PAXBP1: variants seen among roughly 807,000 people sequenced by gnomAD.
PAXBP1 encodes PAX3- and PAX7-binding protein 1.
In PAXBP1, 44 loss-of-function variants were observed where a neutral mutation model predicts 119.9. That is an observed-to-expected ratio of 0.37 (90% CI 0.29 to 0.47). PAXBP1 has a LOEUF of 0.47. Ranked by LOEUF, PAXBP1 falls within the 20% of genes least tolerant of loss-of-function variation. The pLI is 0.99. For synonymous variants in PAXBP1, 393 were observed against 406.6 expected (o/e 0.97, Z 0.40); for missense variants, 898 against 1,134.1 (o/e 0.79, Z 2.99).
chr21:32,767,575 G>T (rs1162256026), intron 2 of PAXBP1, among the ~76,000 whole-genome samples: 1 of 152,174 alleles, frequency 6.6e-6, no homozygotes, highest in Non-Finnish European at 1.5e-5. Flanking sequence ...GACCCAGGAG[G>T]AGGTAACTAA....
At chr21:32,752,366 A>G (rs913160620) in intron 8 of PAXBP1, among the ~76,000 whole-genome samples, 2 of 152,248 alleles carry the variant, frequency 1.3e-5, no homozygotes, top group African/African-American at 4.8e-5. Flanking sequence ...ACATCTGTCC[A>G]CTATACTTCC....
intron 8 of PAXBP1, 57 bp from the exon 9 acceptor site, chr21:32,751,275 A>G: frequency 6.5e-7 from 1 of 1,529,404 alleles, no homozygotes; most frequent in East Asian, 2.3e-5. Flanking sequence ...TTGAGGAAAG[A>G]GTTTGCACAG....
intron 3 of PAXBP1, among the ~76,000 whole-genome samples, chr21:32,763,028 G>A (rs905140523): frequency 4.6e-5 from 7 of 151,252 alleles, no homozygotes; most frequent in Non-Finnish European, 1.0e-4. Context: ...CATTTCTCTT[G>A]CAGATAGTTT....
Position 32,759,831 on chromosome 21 carries a change from C to G in PAXBP1, c.1139G>C (p.Ser380Thr), listed in dbSNP as rs1296134178. 6 of 1,614,042 alleles carry G rather than the reference C, an allele frequency of 3.7e-6. No homozygotes were observed. Among genetic ancestry groups the G allele is most frequent in the Non-Finnish European group, 5.1e-6 (6 of 1,179,954 alleles). ...TDNTVPFKTP[S>T]NEMTPVTIDL... ...AATAGTAACGGGAGTCATCTCATTACTGGGAGTTTTGAAAGGGACTGTATT... is the reference window on the plus strand; with the variant it reads ...AATAGTAACGGGAGTCATCTCATTAGTGGGAGTTTTGAAAGGGACTGTATT... The change falls in exon 6 of 18, where the codon AGT becomes ACT. Residue 380 changes from serine to threonine, a missense_variant. Ser to Thr is a moderately conservative substitution (Grantham distance 58). Around this residue, in one of 2 missense-constraint regions of PAXBP1, gnomAD observed 599 missense variants for 852.7 expected, o/e 0.70. Coordinates refer to ENST00000331923, the MANE Select transcript of PAXBP1 (RefSeq NM_016631.4).
chr21:32,759,721 T>C, intron 6 of PAXBP1, 56 bp downstream of exon 6: 3 of 1,426,872 alleles, frequency 2.1e-6, no homozygotes, highest in Non-Finnish European at 2.9e-6. Context: ...GACTACATGT[T>C]GCCTGAGGGA....
Position 32,734,972 on chromosome 21 carries a change from T to A in PAXBP1, c.2732A>T (p.Lys911Met). 1 of 1,613,752 alleles carries A rather than the reference T, an allele frequency of 6.2e-7. No individual in the cohort carries two copies. The highest frequency in any genetic ancestry group is 1.7e-5 in the Admixed American group (1 of 60,016). The change falls in exon 18 of 18, where the codon AAG (lysine) becomes ATG (methionine). Residue 911 changes from lysine (K) to methionine (M), a missense_variant. By Grantham distance (95) the Lys-to-Met change is moderately conservative. Around this residue, in one of 2 missense-constraint regions of PAXBP1, gnomAD observed 599 missense variants for 852.7 expected, o/e 0.70. Transcript: ENST00000331923. ...VASDHNVKEF[K>M]SLIEGK is the part of the protein sequence containing the mutation. ...GATCTATTTTCCTTCGATCAAAGACTTAAATTCTTTCACATTGTGGTCACT... is the reference window on the plus strand; with the variant it reads ...GATCTATTTTCCTTCGATCAAAGACATAAATTCTTTCACATTGTGGTCACT...
rs559907159 is a variant in PAXBP1, at chr21:32,762,780, G to A, written c.650-463C>T. Among the ~76,000 whole-genome samples the A allele has an allele frequency of 7.3e-3, 1,111 of 151,402 alleles. 10 individuals are homozygous for A. Among genetic ancestry groups the A allele is most frequent in the Middle Eastern group, 0.014 (4 of 292 alleles). On this transcript the variant is annotated intron_variant, in intron 3 of 17. Coordinates refer to ENST00000331923, the MANE Select transcript of PAXBP1 (RefSeq NM_016631.4). ...CAAAAAATTAGCCAGGTGTGGTGGC[G>A]GGCACCTGTAATCCCAGCTACTTGG... is the stretch of plus-strand genomic sequence containing the variant.
At chr21:32,768,224 C>G (rs188864914) in intron 2 of PAXBP1, among the ~76,000 whole-genome samples, 59 of 152,272 alleles carry the variant, frequency 3.9e-4, no homozygotes, top group South Asian at 1.0e-3. Context: ...ACTCACCTGC[C>G]CTTCTACCAT....
chr21:32,738,319 G>T lies in PAXBP1; in HGVS notation c.2335C>A (p.Leu779Met). 1 of 1,578,398 alleles carries T rather than the reference G, an allele frequency of 6.3e-7. No individual in the cohort carries two copies. The highest frequency in any genetic ancestry group is 8.5e-7 in the Non-Finnish European group (1 of 1,170,132). ...FQRQFWSSVK[L>M]LGNFLQWYGI... ...TACCACTGAAGAAAATTGCCTAACA[G>T]CTGGAAAGAAGAAAAAAAATAGGTA... Residue 779 changes from leucine (L) to methionine (M), a missense_variant and splice_region_variant, in exon 16 of 18, where the codon CTG (leucine) becomes ATG (methionine). Leu to Met is a conservative substitution (Grantham distance 15, BLOSUM62 2). Coordinates refer to ENST00000331923, the MANE Select transcript of PAXBP1 (RefSeq NM_016631.4).
Position 32,738,235 on chromosome 21 carries a change from ATC to A in PAXBP1, c.2417_2418del (p.Arg806LeufsTer14). 6.2e-7 allele frequency: 1 copy of A among 1,603,732 alleles called. No individual in the cohort carries two copies. The highest frequency in any genetic ancestry group is 8.5e-7 in the Non-Finnish European group (1 of 1,177,352). On this transcript the variant is annotated frameshift_variant, in exon 16 of 18. Coordinates refer to ENST00000331923, the MANE Select transcript of PAXBP1 (RefSeq NM_016631.4). LOFTEE classifies it high-confidence loss of function. ...QELSIDGLLN[R>X]YILMAFQNSE... is the part of the protein sequence containing the mutation. ...GAATTCTGAAAAGCCATGAGAATAT[ATC>A]GATTTAATAAACCATCTATTGATAA...
intron 5 of PAXBP1, among the ~76,000 whole-genome samples, 143 bp downstream of exon 5, chr21:32,760,898 CGTGCGTGTGTGTGTGTGT>C (rs1189720277): frequency 9.0e-5 from 11 of 121,596 alleles, no homozygotes; most frequent in South Asian, 2.8e-4. Context: ...TGTGTGCGTG[CGTGCGTGTGTGTGTGTGT>C]GTGTGTGTGT....
At chr21:32,767,669 G>A (rs944410959) in intron 2 of PAXBP1, among the ~76,000 whole-genome samples, 11 of 152,212 alleles carry the variant, frequency 7.2e-5, no homozygotes, top group South Asian at 2.1e-4. Flanking sequence ...AGGGGTTTCC[G>A]CTTTTGCTTC....
chr21:32,738,099 C>A, intron 16 of PAXBP1, 74 bp downstream of exon 16: 2 of 1,384,592 alleles, frequency 1.4e-6, no homozygotes, highest in South Asian at 1.5e-5. Flanking sequence ...TTCTCAAATC[C>A]CTCTTCAAAC....
chr21:32,762,035 G>T, intron 4 of PAXBP1, 61 bp downstream of exon 4: 1 of 1,557,552 alleles, frequency 6.4e-7, no homozygotes, highest in Non-Finnish European at 8.8e-7. Flanking sequence ...ATGACACCCT[G>T]CCTTAAAACA....
In PAXBP1 at chr21:32,771,670, C is replaced by G. The variant is rs2146537350; in HGVS notation, c.-2G>C. ...CACCCGCCGGGCCTTTCGGAACATC[C>G]CCGCGGCCCGCACGGCGGTCGAATA... On this transcript the variant is annotated 5_prime_UTR_variant, in exon 1 of 18. Coordinates refer to ENST00000331923, the MANE Select transcript of PAXBP1 (RefSeq NM_016631.4). The G allele has an allele frequency of 1.4e-6, 2 of 1,405,352 alleles. No individual in the cohort carries two copies. Among genetic ancestry groups the G allele is most frequent in the East Asian group, 3.0e-5 (1 of 33,070 alleles). The allele number at this position is 1,405,352 out of a possible 1,614,324, so 87.1% of individuals were successfully genotyped here. A position where few individuals can be genotyped will look rare whatever the true frequency, so the allele number is the denominator to read the frequency against.
intron 3 of PAXBP1, among the ~76,000 whole-genome samples, chr21:32,762,640 C>G (rs753615957): frequency 3.9e-4 from 59 of 151,396 alleles, no homozygotes; most frequent in Non-Finnish European, 7.5e-4. Flanking sequence ...TAGAAGTGGC[C>G]GGGCACAGTG....
intron 1 of PAXBP1, 114 bp downstream of exon 1, chr21:32,771,212 A>AG: frequency 3.0e-6 from 3 of 1,000,418 alleles, no homozygotes; most frequent in African/African-American, 1.7e-5. Context: ...GTCGGACGGC[A>AG]GGGGACTCCG....
intron 2 of PAXBP1, among the ~76,000 whole-genome samples, chr21:32,767,640 G>A (rs978630956): frequency 2.6e-5 from 4 of 152,186 alleles, no homozygotes; most frequent in Non-Finnish European, 4.4e-5. Flanking sequence ...TAAGTCTCAC[G>A]AGATCTGATG....
At chr21:32,741,424 G>A (rs547373642) in intron 15 of PAXBP1, 3 of 542,772 alleles carry the variant, frequency 5.5e-6, no homozygotes, top group East Asian at 2.9e-5. Context: ...AAAGATGGAG[G>A]AGAAATTGTC....
Sources: gnomAD v4.1 joint callset for allele counts (sites outside exome capture counted in the v4.1 genomes callset) on GRCh38, gnomAD v4.1.1 for gene constraint, gnomAD v4.1.1 regional missense constraint, MANE v1.5 for transcripts, NCBI Gene and HGNC (gene_info 2026-07-23, HGNC 2026-07-21) for gene names.